The following CADPS2 variants were observed in gnomAD, a reference collection of about 807,000 sequenced individuals.
CADPS2 encodes the protein calcium dependent secretion activator 2, also known as calcium-dependent secretion activator 2.
Under a neutral mutation model 172.5 loss-of-function variants are expected in CADPS2, and 93 were observed. The observed-to-expected ratio is 0.54, with a 90% CI of 0.46 to 0.64. CADPS2 has a LOEUF of 0.64. Among genes scored for constraint, CADPS2 ranks in the 30% least tolerant of loss-of-function variants. CADPS2 has a pLI of 0.00. For synonymous variants in CADPS2, 546 were observed against 555.2 expected, an observed-to-expected ratio of 0.98 and a Z score of 0.23; for missense variants, 1,420 against 1,565.9, an observed-to-expected ratio of 0.91 and a Z score of 1.57.
At chr7:122,354,393 G>T (rs963044992) in intron 27 of CADPS2, 1 of 152,100 alleles carries the variant, frequency 6.6e-6, no homozygotes. Context: ...GGATTCAACC[G>T]CCAGCAGTTC....
At chr7:122,622,979 C>T (rs1186014980) in intron 4 of CADPS2, among the ~76,000 whole-genome samples, 1 of 152,166 alleles carries the variant, frequency 6.6e-6, no homozygotes, top group Admixed American at 6.5e-5. Flanking sequence ...GAGTCTCAGG[C>T]CACCTGCTTT....
intron 1 of CADPS2, among the ~76,000 whole-genome samples, chr7:122,832,014 T>C (rs1000293687): frequency 1.1e-4 from 16 of 152,192 alleles, no homozygotes; most frequent in Non-Finnish European, 2.2e-4. Context: ...GGTGTATAGT[T>C]ATGGTTTATG....
intron 4 of CADPS2, among the ~76,000 whole-genome samples, chr7:122,624,702 GTCTACAAATAAT>G (rs2075911832): frequency 6.6e-6 from 1 of 152,174 alleles, no homozygotes; most frequent in Non-Finnish European, 1.5e-5. Flanking sequence ...AAGGGAGGGA[GTCTACAAATAAT>G]TCAAGAATTC....
At chr7:122,650,049 C>A (rs1436492896) in intron 3 of CADPS2, among the ~76,000 whole-genome samples, 2 of 150,890 alleles carry the variant, frequency 1.3e-5, no homozygotes, top group Admixed American at 6.6e-5. Context: ...GCTGGGATTA[C>A]ATGCGCGTGC....
intron 8 of CADPS2, among the ~76,000 whole-genome samples, chr7:122,538,660 T>G (rs1306951286): frequency 7.2e-6 from 1 of 138,060 alleles, no homozygotes; most frequent in Non-Finnish European, 1.6e-5. Flanking sequence ...AAACCAATTT[T>G]GGGTAAGGAG....
rs373980449 is a variant in CADPS2, at chr7:122,324,370, G to T, written c.3717+1107C>A. Among the ~76,000 whole-genome samples, 3 of 152,274 alleles carry T rather than the reference G, an allele frequency of 2.0e-5. No homozygotes were observed. In the East Asian group the frequency reaches 5.8e-4, roughly 29 times the overall value. On this transcript the variant is annotated intron_variant, in intron 29 of 29. Coordinates refer to ENST00000449022, the MANE Select transcript of CADPS2 (RefSeq NM_017954.11). ...AAAGGAATAAAGAAAATATTTTAAT[G>T]TGGCTAGAAACATCTTTTAATGATG...
At chr7:122,340,558 A>AGAT (rs1410405986) in intron 28 of CADPS2, among the ~76,000 whole-genome samples, 1 of 152,202 alleles carries the variant, frequency 6.6e-6, no homozygotes, top group Non-Finnish European at 1.5e-5. Flanking sequence ...TCATTACTAC[A>AGAT]GATGTCAGTT....
At chr7:122,528,997 A>G (rs2061521441) in intron 8 of CADPS2, among the ~76,000 whole-genome samples, 1 of 152,076 alleles carries the variant, frequency 6.6e-6, no homozygotes, top group Admixed American at 6.6e-5. Context: ...TGCCACTTTT[A>G]TTATTAATAC....
chr7:122,552,951 T>C (rs1420227055), intron 8 of CADPS2, among the ~76,000 whole-genome samples: 1 of 152,064 alleles, frequency 6.6e-6, no homozygotes, highest in Non-Finnish European at 1.5e-5. Flanking sequence ...AAGCACTCTA[T>C]GACAGTTTCA....
At chr7:122,495,343 T>C (rs1316311578) in intron 9 of CADPS2, among the ~76,000 whole-genome samples, 1 of 152,190 alleles carries the variant, frequency 6.6e-6, no homozygotes, top group African/African-American at 2.4e-5. Flanking sequence ...GACTTTTCTG[T>C]TTATTATATT....
At chr7:122,790,046 T>TTTTTTG (rs1589220355) in intron 1 of CADPS2, among the ~76,000 whole-genome samples, 1 of 149,494 alleles carries the variant, frequency 6.7e-6, no homozygotes, top group Non-Finnish European at 1.5e-5. Flanking sequence ...TTTTTTTTTT[T>TTTTTTG]GAAAAGAGAA....
intron 1 of CADPS2, among the ~76,000 whole-genome samples, chr7:122,812,245 TA>T (rs551683894): frequency 1.2e-4 from 18 of 150,754 alleles, no homozygotes; most frequent in African/African-American, 4.1e-4. Context: ...AAAACTGAAG[TA>T]AAAAAAAATA....
intron 7 of CADPS2, among the ~76,000 whole-genome samples, chr7:122,561,331 AC>A (rs5887104): frequency 0.88 from 133,799 of 151,724 alleles, 59,088 homozygotes; most frequent in East Asian, 1. Flanking sequence ...CCTTCTATAC[AC>A]TTTTTTTTTT....
chr7:122,701,593 A>AAAAT, intron 2 of CADPS2: 1 of 280,018 alleles, frequency 3.6e-6, no homozygotes, highest in Non-Finnish European at 6.5e-6. Flanking sequence ...AGTATAATAA[A>AAAAT]AAATAAATAA....
chr7:122,846,848 C>G (rs1239240150), intron 1 of CADPS2, among the ~76,000 whole-genome samples: 1 of 152,126 alleles, frequency 6.6e-6, no homozygotes, highest in African/African-American at 2.4e-5. Context: ...TGTGCATGAC[C>G]CTGCAGCAAA....
At chr7:122,855,157 AG>A (rs1352012753) in intron 1 of CADPS2, among the ~76,000 whole-genome samples, 3 of 152,212 alleles carry the variant, frequency 2.0e-5, no homozygotes, top group Admixed American at 6.5e-5. Flanking sequence ...CCTAGAAAAG[AG>A]GGTTGCTATT....
At chr7:122,423,584 G>C (rs764391684) in intron 17 of CADPS2, among the ~76,000 whole-genome samples, 1 of 152,102 alleles carries the variant, frequency 6.6e-6, no homozygotes, top group Non-Finnish European at 1.5e-5. Flanking sequence ...AGAAAATGAG[G>C]AATCATTGAC....
At chr7:122,327,917 AAAAAAATTATTCTATCAAATAAG>A (rs1159240788) in intron 28 of CADPS2, among the ~76,000 whole-genome samples, 6 of 152,100 alleles carry the variant, frequency 3.9e-5, no homozygotes, top group East Asian at 1.9e-4. Flanking sequence ...AGCTTCTAAG[AAAAAAATTATTCTATCAAATAAG>A]AAAAAATTAT....
chr7:122,885,403 CTT>C (rs960232750), intron 1 of CADPS2, among the ~76,000 whole-genome samples: 6 of 151,796 alleles, frequency 4.0e-5, no homozygotes, highest in Admixed American at 3.9e-4. Flanking sequence ...CCCACAAACA[CTT>C]TACAAAGCTG....
Sources: allele counts gnomAD v4.1 joint callset (sites outside exome capture counted in the v4.1 genomes callset), GRCh38; gene constraint gnomAD v4.1.1; transcripts MANE v1.5; gene names NCBI Gene and HGNC (gene_info 2026-07-23, HGNC 2026-07-21).